SFXN2: variants seen among roughly 807,000 people sequenced by gnomAD.
The protein encoded by SFXN2 is sideroflexin-2.
Under a neutral mutation model 41.9 loss-of-function variants are expected in SFXN2, and 37 were observed. The ratio of observed to expected loss-of-function variants is 0.88; its 90% CI spans 0.68 to 1.16. The LOEUF (loss-of-function observed/expected upper bound fraction) is 1.16. Among genes scored for constraint, SFXN2 ranks in the 50% most tolerant of loss-of-function variants. The probability of loss-of-function intolerance (pLI) is 0.00; values close to 1 mark genes in which losing one functional copy is unlikely to be tolerated. For missense variants in SFXN2, 386 were observed against 425.2 expected (o/e 0.91, Z 0.81); for synonymous variants, 150 against 156.7 (o/e 0.96, Z 0.32).
At chr10:102,726,884 T>C (rs1054179433) in intron 2 of SFXN2, 87 bp downstream of exon 2, 19 of 1,586,220 alleles carry the variant, frequency 1.2e-5, no homozygotes, top group Non-Finnish European at 1.5e-5. Flanking sequence ...GGTGAAGGAA[T>C]AGGCAGAAAT....
At chr10:102,726,480 G>A in intron 1 of SFXN2, 132 bp from the exon 2 acceptor site, 1 of 869,412 alleles carries the variant, frequency 1.2e-6, no homozygotes, top group East Asian at 2.5e-5. Flanking sequence ...ATTCACTTGG[G>A]CCCTCCCAAG....
At chr10:102,732,124 C>T in intron 7 of SFXN2, 28 bp from the exon 8 acceptor site, 1 of 1,606,210 alleles carries the variant, frequency 6.2e-7, no homozygotes, top group East Asian at 2.2e-5. Context: ...TACATCATTT[C>T]TGACAACTTA....
intron 1 of SFXN2, among the ~76,000 whole-genome samples, chr10:102,724,252 T>C (rs1040393715): frequency 1.3e-5 from 2 of 152,254 alleles, no homozygotes; most frequent in Admixed American, 6.5e-5. Flanking sequence ...CAGTCTGCCA[T>C]GGATGGGCCT....
intron 1 of SFXN2, among the ~76,000 whole-genome samples, chr10:102,718,918 CTTTTTTTTTT>C (rs34471332): frequency 8.1e-5 from 6 of 74,302 alleles, no homozygotes; most frequent in Admixed American, 1.7e-4. Context: ...TTCTCGGCTT[CTTTTTTTTTT>C]TTTTTTTTTT....
chr10:102,733,971 T>C (rs567740555), intron 10 of SFXN2, among the ~76,000 whole-genome samples: 1 of 151,948 alleles, frequency 6.6e-6, no homozygotes, highest in East Asian at 1.9e-4. Context: ...CGCTGCAACC[T>C]CCACCTCCCA....
In SFXN2 at chr10:102,729,667, C is replaced by G. The variant is rs983993071; in HGVS notation, c.508-56C>G. The G allele has an allele frequency of 1.2e-5, 18 of 1,547,380 alleles. No homozygotes were observed. In the African/African-American group the frequency reaches 2.5e-4, roughly 21 times the overall value. On this transcript the variant is annotated intron_variant, in intron 5 of 11. Coordinates refer to ENST00000369893, the MANE Select transcript of SFXN2 (RefSeq NM_178858.6). ...TTGTATTCTAGTCGTTCAGCCCCCTCCCCTCCCATCTTCCAGCGCTTCTGA... is the reference window on the plus strand; with the variant it reads ...TTGTATTCTAGTCGTTCAGCCCCCTGCCCTCCCATCTTCCAGCGCTTCTGA...
intron 1 of SFXN2, among the ~76,000 whole-genome samples, chr10:102,718,918 C>CTTTTTTTTTTTTTTTTTTTTTTTTTTTTT: frequency 1.3e-5 from 1 of 74,302 alleles, no homozygotes; most frequent in South Asian, 5.8e-4. Context: ...TTCTCGGCTT[C>CTTTTTTTTTTTTTTTTTTTTTTTTTTTTT]TTTTTTTTTT....
chr10:102,725,963 A>G (rs1295036193), intron 1 of SFXN2, among the ~76,000 whole-genome samples: 1 of 152,036 alleles, frequency 6.6e-6, no homozygotes, highest in Non-Finnish European at 1.5e-5. Flanking sequence ...TTTCCCCCCA[A>G]GATGGAGTCT....
At chr10:102,719,709 T>A (rs2064479235) in intron 1 of SFXN2, among the ~76,000 whole-genome samples, 1 of 152,220 alleles carries the variant, frequency 6.6e-6, no homozygotes, top group African/African-American at 2.4e-5. Context: ...CTGATGAACT[T>A]CTTATTCAGC....
chr10:102,729,583 T>C (rs1320284715), intron 5 of SFXN2, 140 bp from the exon 6 acceptor site: 11 of 1,118,516 alleles, frequency 9.8e-6, no homozygotes, highest in Non-Finnish European at 1.4e-5. Context: ...TTGAGGGAGT[T>C]TGGGGTTCCC....
intron 1 of SFXN2, among the ~76,000 whole-genome samples, chr10:102,723,923 C>A (rs1387349684): frequency 6.6e-6 from 1 of 152,162 alleles, no homozygotes; most frequent in African/African-American, 2.4e-5. Flanking sequence ...TGTTTCATCA[C>A]CCAGCTACTA....
Position 102,742,233 on chromosome 10 carries a change from CT to C in SFXN2, c.*4473del, listed in dbSNP as rs1476964158. ...CTAGGGTGGAGTGCAGTGGCACAGTCTTGGCTCACTGCAACCTCTGCCTCCC... is the reference window on the plus strand; with the variant it reads ...CTAGGGTGGAGTGCAGTGGCACAGTCTGGCTCACTGCAACCTCTGCCTCCC... On this transcript the variant is annotated 3_prime_UTR_variant, in exon 12 of 12. Transcript: ENST00000369893. 3 of 151,584 alleles carry C rather than the reference CT, an allele frequency of 2.0e-5. No homozygotes were observed. Among genetic ancestry groups the C allele is most frequent in the African/African-American group, 7.3e-5 (3 of 41,072 alleles). 9.4% of individuals were successfully genotyped at this position (151,584 alleles called of 1,614,324 possible).
intron 10 of SFXN2, 29 bp from the exon 11 acceptor site, chr10:102,735,833 C>T: frequency 2.5e-6 from 4 of 1,613,654 alleles, no homozygotes; most frequent in Non-Finnish European, 3.4e-6. Flanking sequence ...GAGATGTCCC[C>T]TGATGCTTTG....
intron 5 of SFXN2, 159 bp from the exon 6 acceptor site, chr10:102,729,564 C>A: frequency 8.9e-7 from 1 of 1,122,588 alleles, no homozygotes; most frequent in Non-Finnish European, 1.3e-6. Context: ...GTTGGTTCTT[C>A]TTGGGCCTTT....
intron 1 of SFXN2, chr10:102,717,838 C>T: frequency 2.1e-6 from 2 of 971,852 alleles, no homozygotes; most frequent in Non-Finnish European, 1.2e-6. Context: ...ACATCACAGA[C>T]ATGATCCCGA....
chr10:102,728,801 T>C (rs953935685), intron 4 of SFXN2, among the ~76,000 whole-genome samples: 1 of 152,176 alleles, frequency 6.6e-6, no homozygotes, highest in Admixed American at 6.5e-5. Context: ...GATGCTGGGA[T>C]ACATTGTTAA....
chr10:102,723,262 T>G (rs1462256489), intron 1 of SFXN2, among the ~76,000 whole-genome samples: 2 of 150,054 alleles, frequency 1.3e-5, no homozygotes, highest in African/African-American at 2.5e-5. Flanking sequence ...AAGTTTTGTT[T>G]TTTTTTTTTG....
At chr10:102,724,425 T>C (rs2136037915) in intron 1 of SFXN2, among the ~76,000 whole-genome samples, 1 of 152,286 alleles carries the variant, frequency 6.6e-6, no homozygotes, top group South Asian at 2.1e-4. Context: ...AGTTTCCGGC[T>C]GGACGTGGTG....
At chr10:102,720,304 A>C (rs1034211999) in intron 1 of SFXN2, among the ~76,000 whole-genome samples, 2 of 149,944 alleles carry the variant, frequency 1.3e-5, no homozygotes, top group African/African-American at 2.5e-5. Context: ...AAAAAAAAAA[A>C]AAAAAAAAAA....
Sources: allele counts gnomAD v4.1 joint callset (sites outside exome capture counted in the v4.1 genomes callset), GRCh38; gene constraint gnomAD v4.1.1; transcripts MANE v1.5; gene names NCBI Gene and HGNC (gene_info 2026-07-23, HGNC 2026-07-21).